NUDCD1: variants seen among roughly 807,000 people sequenced by gnomAD.
NUDCD1 encodes the protein NudC domain containing 1, also known as nudC domain-containing protein 1.
NUDCD1 carries 60 observed loss-of-function variants against 67.8 expected under a neutral mutation model. That is an observed-to-expected ratio of 0.88 (90% CI 0.72 to 1.10). NUDCD1 has a LOEUF of 1.10. Ranked by LOEUF, NUDCD1 falls within the 50% of genes least tolerant of loss-of-function variation. NUDCD1 has a pLI of 0.00. For synonymous variants in NUDCD1, 244 were observed against 230.8 expected (o/e 1.06, Z -0.52); for missense variants, 643 against 695.0 (o/e 0.93, Z 0.84).
chr8:109,315,021 T>G (rs1225613220), intron 2 of NUDCD1, among the ~76,000 whole-genome samples: 1 of 152,212 alleles, frequency 6.6e-6, no homozygotes, highest in Non-Finnish European at 1.5e-5. Context: ...CAATGATATT[T>G]AAAACTTTGC....
intron 2 of NUDCD1, among the ~76,000 whole-genome samples, chr8:109,308,885 T>C (rs565449569): frequency 4.0e-5 from 6 of 149,044 alleles, no homozygotes; most frequent in African/African-American, 1.5e-4. Context: ...GGCAGGAGAA[T>C]GGCATGAACC....
At chr8:109,254,642 T>A (rs1204365796) in intron 8 of NUDCD1, among the ~76,000 whole-genome samples, 4 of 152,068 alleles carry the variant, frequency 2.6e-5, no homozygotes, top group African/African-American at 7.2e-5. Flanking sequence ...ACAATTAGAG[T>A]AAAATATTCT....
chr8:109,263,757 T>C (rs2926198), intron 8 of NUDCD1, among the ~76,000 whole-genome samples: 54,765 of 151,932 alleles, frequency 0.36, 10,704 homozygotes, highest in South Asian at 0.5. Flanking sequence ...AGGGGGTCCA[T>C]AGGCTTAAAA....
intron 5 of NUDCD1, among the ~76,000 whole-genome samples, chr8:109,283,807 T>C (rs1260685724): frequency 6.6e-6 from 1 of 152,038 alleles, no homozygotes; most frequent in Non-Finnish European, 1.5e-5. Context: ...AAAAGAACAG[T>C]ATCTGCTACC....
chr8:109,308,927 G>A (rs1298931952), intron 2 of NUDCD1, among the ~76,000 whole-genome samples: 5 of 150,246 alleles, frequency 3.3e-5, no homozygotes, highest in African/African-American at 7.4e-5. Context: ...AGCCGAGATC[G>A]TGCCACTGCA....
At chr8:109,278,868 CTTTGT>C (rs1324852966) in intron 6 of NUDCD1, among the ~76,000 whole-genome samples, 4 of 152,048 alleles carry the variant, frequency 2.6e-5, no homozygotes, top group South Asian at 4.1e-4. Flanking sequence ...TTTGTTTTGG[CTTTGT>C]TTTGTTTTTT....
chr8:109,250,273 A>G (rs1441945652), intron 8 of NUDCD1, among the ~76,000 whole-genome samples: 1 of 152,228 alleles, frequency 6.6e-6, no homozygotes. Flanking sequence ...ACAGCTAAAT[A>G]AAATAAAGAT....
chr8:109,262,801 A>T (rs986461647), intron 8 of NUDCD1, among the ~76,000 whole-genome samples: 8 of 152,046 alleles, frequency 5.3e-5, no homozygotes, highest in Admixed American at 6.6e-5. Context: ...CACGCCCGTA[A>T]TCCTAGCACT....
chr8:109,309,060 A>G (rs1161285027), intron 2 of NUDCD1, among the ~76,000 whole-genome samples: 1 of 152,090 alleles, frequency 6.6e-6, no homozygotes, highest in East Asian at 1.9e-4. Context: ...AATCCTATTG[A>G]CACTATTCCA....
chr8:109,285,982 T>C (rs576070559), intron 5 of NUDCD1, among the ~76,000 whole-genome samples: 2 of 152,164 alleles, frequency 1.3e-5, no homozygotes, highest in Non-Finnish European at 2.9e-5. Context: ...TGAAAATCAG[T>C]AGCATTTCTA....
intron 4 of NUDCD1, among the ~76,000 whole-genome samples, chr8:109,290,220 T>G (rs1157760439): frequency 6.6e-6 from 1 of 152,152 alleles, no homozygotes; most frequent in Non-Finnish European, 1.5e-5. Context: ...AAATTTAAAT[T>G]CCTCAGTCAT....
intron 8 of NUDCD1, among the ~76,000 whole-genome samples, chr8:109,257,590 T>A (rs1252299653): frequency 6.6e-6 from 1 of 152,060 alleles, no homozygotes; most frequent in Non-Finnish European, 1.5e-5. Flanking sequence ...ATTAAAAAGC[T>A]GATTGTAAAG....
chr8:109,300,933 G>A (rs1814973660), intron 2 of NUDCD1, among the ~76,000 whole-genome samples: 1 of 152,160 alleles, frequency 6.6e-6, no homozygotes, highest in African/African-American at 2.4e-5. Context: ...AGAAGGGATT[G>A]GGGCCCTATC....
In NUDCD1 at chr8:109,293,370, C is replaced by A. The variant is rs1467504324; in HGVS notation, c.614G>T (p.Trp205Leu). ...KGSGFYVSLE[W>L]VTISKKNQDN... The stretch of plus-strand genomic sequence containing the variant: ...TTGATTTTTCTTACTGATAGTGACC[C>A]ACTCCAGAGAAACATAGAAACCACT... Residue 205 changes from tryptophan (W) to leucine (L), a missense_variant, in exon 4 of 10, where the codon TGG becomes TTG. By Grantham distance (61) the Trp-to-Leu change is moderately conservative. Coordinates refer to ENST00000239690, the MANE Select transcript of NUDCD1 (RefSeq NM_032869.4). 3 of 1,572,160 alleles carry A rather than the reference C, an allele frequency of 1.9e-6. No individual in the cohort carries two copies. The highest frequency in any genetic ancestry group is 2.6e-6 in the Non-Finnish European group (3 of 1,161,352).
intron 5 of NUDCD1, among the ~76,000 whole-genome samples, chr8:109,284,345 T>C (rs1313450807): frequency 6.6e-6 from 1 of 151,998 alleles, no homozygotes; most frequent in Non-Finnish European, 1.5e-5. Flanking sequence ...GTGGGGAACT[T>C]CAACATACCA....
At chr8:109,279,190 T>G (rs1487798489) in intron 6 of NUDCD1, among the ~76,000 whole-genome samples, 24 of 152,220 alleles carry the variant, frequency 1.6e-4, no homozygotes, top group Admixed American at 1.6e-3. Flanking sequence ...GATATGAAAC[T>G]GCTAAACAGT....
intron 6 of NUDCD1, among the ~76,000 whole-genome samples, chr8:109,280,209 A>G (rs1258391006): frequency 1.3e-5 from 2 of 152,260 alleles, no homozygotes; most frequent in African/African-American, 4.8e-5. Context: ...GTCATAAAAG[A>G]GAATTTAATA....
intron 4 of NUDCD1, among the ~76,000 whole-genome samples, chr8:109,292,251 A>T (rs1814727098): frequency 6.6e-6 from 1 of 152,154 alleles, no homozygotes; most frequent in Non-Finnish European, 1.5e-5. Flanking sequence ...TCTTATGGTT[A>T]CCAACTGGGA....
intron 8 of NUDCD1, among the ~76,000 whole-genome samples, chr8:109,255,763 G>A (rs1813721248): frequency 6.6e-6 from 1 of 151,510 alleles, no homozygotes; most frequent in Non-Finnish European, 1.5e-5. Flanking sequence ...CATGAACAGA[G>A]GTAAATAAAG....
Sources: allele counts gnomAD v4.1 joint callset (sites outside exome capture counted in the v4.1 genomes callset), GRCh38; gene constraint gnomAD v4.1.1; transcripts MANE v1.5; gene names NCBI Gene and HGNC (gene_info 2026-07-23, HGNC 2026-07-21).